SGPL1: variants seen among roughly 807,000 people sequenced by gnomAD.
The protein encoded by SGPL1 is sphingosine-1-phosphate lyase 1.
In SGPL1, 37 loss-of-function variants were observed where a neutral mutation model predicts 68.9. The ratio of observed to expected loss-of-function variants is 0.54; its 90% CI spans 0.41 to 0.71. SGPL1 has a LOEUF of 0.71. Among genes scored for constraint, SGPL1 ranks in the 30% least tolerant of loss-of-function variants. The pLI, the probability that SGPL1 is intolerant of heterozygous loss-of-function variation, is 0.00. For missense variants in SGPL1, 551 were observed against 704.6 expected (o/e 0.78, Z 2.47); for synonymous variants, 236 against 248.5 (o/e 0.95, Z 0.47).
intron 11 of SGPL1, among the ~76,000 whole-genome samples, chr10:70,872,961 T>C (rs1846320929): frequency 6.6e-6 from 1 of 152,234 alleles, no homozygotes; most frequent in East Asian, 1.9e-4. Context: ...GGGGGTCAGA[T>C]GGTGATTTTA....
intron 11 of SGPL1, 26 bp from the exon 12 acceptor site, chr10:70,873,325 T>C (rs748361139): frequency 6.4e-7 from 1 of 1,560,266 alleles, no homozygotes; most frequent in Admixed American, 1.7e-5. Flanking sequence ...TACTCTCACT[T>C]TTCTTGTCTG....
chr10:70,860,618 TCTC>T, intron 7 of SGPL1: 1 of 351,378 alleles, frequency 2.8e-6, no homozygotes. Flanking sequence ...TACAGTATAT[TCTC>T]CTATGCCATT....
At chr10:70,851,325 AG>A in intron 4 of SGPL1, 115 bp downstream of exon 4, 2 of 877,138 alleles carry the variant, frequency 2.3e-6, no homozygotes, top group South Asian at 1.5e-5. Flanking sequence ...TCTTACCTCC[AG>A]GGGACACTTG....
chr10:70,869,996 T>C, intron 9 of SGPL1, 99 bp downstream of exon 9: 1 of 852,660 alleles, frequency 1.2e-6, no homozygotes, highest in Non-Finnish European at 1.9e-6. Context: ...TCTGACTGCC[T>C]TTGATTGTGG....
intron 3 of SGPL1, among the ~76,000 whole-genome samples, chr10:70,845,502 A>G (rs1415696304): frequency 2.6e-5 from 4 of 152,114 alleles, no homozygotes; most frequent in Non-Finnish European, 5.9e-5. Flanking sequence ...GAAGTGACTC[A>G]GTGCCAGATC....
intron 14 of SGPL1, 31 bp from the exon 15 acceptor site, chr10:70,877,164 A>G: frequency 6.2e-7 from 1 of 1,611,846 alleles, no homozygotes; most frequent in Non-Finnish European, 8.5e-7. Context: ...ACCTGGCCTC[A>G]CTAATAATGT....
In SGPL1 at chr10:70,833,054, C is replaced by T. The variant is rs7079378; in HGVS notation, c.28-11419C>T. On this transcript the variant is annotated intron_variant, in intron 2 of 14. Coordinates refer to ENST00000373202, the MANE Select transcript of SGPL1 (RefSeq NM_003901.4). ...ATAAAGTGACCATTTAGCAGTGTTT[C>T]GGGTTCAGCTTTTAGGAACTTAGAA... Among the ~76,000 whole-genome samples, 928 of 152,276 alleles carry T rather than the reference C, an allele frequency of 6.1e-3. 5 individuals are homozygous for T. The highest frequency in any genetic ancestry group is 0.021 in the African/African-American group (877 of 41,538).
At chr10:70,863,563 G>A (rs1363144671) in intron 7 of SGPL1, among the ~76,000 whole-genome samples, 1 of 152,002 alleles carries the variant, frequency 6.6e-6, no homozygotes, top group African/African-American at 2.4e-5. Flanking sequence ...TTGAAGTTAA[G>A]TCTGGAAGTT....
intron 2 of SGPL1, among the ~76,000 whole-genome samples, chr10:70,834,945 C>T (rs913195009): frequency 3.3e-5 from 5 of 152,184 alleles, no homozygotes; most frequent in African/African-American, 1.2e-4. Flanking sequence ...GCTCTGATGG[C>T]CTATGATGTG....
rs1046998525 is a variant in SGPL1, at chr10:70,880,694, A to C, written c.*3359A>C. 6.6e-6 allele frequency: 1 copy of C among 152,234 alleles called. No homozygotes were observed. The highest frequency in any genetic ancestry group is 1.5e-5 in the Non-Finnish European group (1 of 68,036). The allele number at this position is 152,234 out of a possible 1,614,324, so 9.4% of individuals were successfully genotyped here. On this transcript the variant is annotated 3_prime_UTR_variant, in exon 15 of 15. Transcript: ENST00000373202. The stretch of plus-strand genomic sequence containing the variant: ...CTGAAGGCTGTCATTCAGATAACCC[A>C]GCTTTTCCTTTTGGCTTTTAGCCCA...
At chr10:70,867,205 A>C (rs1399563002) in intron 7 of SGPL1, among the ~76,000 whole-genome samples, 1 of 152,210 alleles carries the variant, frequency 6.6e-6, no homozygotes, top group Non-Finnish European at 1.5e-5. Context: ...TTTTTAAAAA[A>C]ATAGCCAGGT....
intron 2 of SGPL1, among the ~76,000 whole-genome samples, chr10:70,835,444 A>G (rs1311423445): frequency 6.6e-6 from 1 of 152,208 alleles, no homozygotes. Flanking sequence ...CACATTAGAA[A>G]TGCCAAGAAG....
At chr10:70,857,712 G>C in intron 6 of SGPL1, 22 bp downstream of exon 6, 1 of 1,566,922 alleles carries the variant, frequency 6.4e-7, no homozygotes, top group Non-Finnish European at 8.7e-7. Context: ...GTTCTTGAGG[G>C]AAGCCTGTGA....
chr10:70,857,234 GAGA>G (rs934740752), intron 5 of SGPL1: 2 of 231,524 alleles, frequency 8.6e-6, no homozygotes, highest in Non-Finnish European at 1.7e-5. Flanking sequence ...TAGGAAAGGA[GAGA>G]AGAAGGAAGC....
chr10:70,854,679 G>A (rs1318183305), intron 4 of SGPL1, 29 bp from the exon 5 acceptor site: 2 of 1,591,778 alleles, frequency 1.3e-6, no homozygotes, highest in Non-Finnish European at 1.7e-6. Context: ...TCTTGCATCT[G>A]GATAACTTTG....
intron 2 of SGPL1, among the ~76,000 whole-genome samples, chr10:70,842,104 T>C (rs992177775): frequency 6.6e-6 from 1 of 152,170 alleles, no homozygotes; most frequent in Non-Finnish European, 1.5e-5. Context: ...TAGATCTGTC[T>C]TCTTCTTAAT....
intron 6 of SGPL1, 47 bp from the exon 7 acceptor site, chr10:70,859,324 T>G (rs1460520518): frequency 9.8e-6 from 13 of 1,326,756 alleles, no homozygotes. Flanking sequence ...CTTTGTCCTG[T>G]ATAGTGTAAT....
rs549340416 is a variant in SGPL1, at chr10:70,880,837, T to A, written c.*3502T>A. On this transcript the variant is annotated 3_prime_UTR_variant, in exon 15 of 15. Transcript: ENST00000373202. ...AAAGAGGATCCAGGATGTACTTGGA[T>A]GAGGAGGCCTGGCTTATCTAGGAAG... The A allele has an allele frequency of 1.3e-5, 2 of 152,164 alleles. No homozygotes were observed. The highest frequency in any genetic ancestry group is 2.1e-4 in the South Asian group (1 of 4,824). The allele number at this position is 152,164 out of a possible 1,614,324, so 9.4% of individuals were successfully genotyped here. A position where few individuals can be genotyped will look rare whatever the true frequency, so the allele number is the denominator to read the frequency against.
chr10:70,856,291 C>T (rs1013786551), intron 5 of SGPL1, among the ~76,000 whole-genome samples: 14 of 152,178 alleles, frequency 9.2e-5, no homozygotes, highest in African/African-American at 3.4e-4. Flanking sequence ...CCACTGTGCT[C>T]GGCCTTGACA....
Sources: gnomAD v4.1 joint callset for allele counts (sites outside exome capture counted in the v4.1 genomes callset) on GRCh38, gnomAD v4.1.1 for gene constraint, MANE v1.5 for transcripts, NCBI Gene and HGNC (gene_info 2026-07-23, HGNC 2026-07-21) for gene names.